The following NDUFAF2 variants were observed in gnomAD, a reference collection of about 807,000 sequenced individuals.
NDUFAF2 encodes NADH:ubiquinone oxidoreductase complex assembly factor 2.
Under a neutral mutation model 22.8 loss-of-function variants are expected in NDUFAF2, and 13 were observed. The observed-to-expected ratio is 0.57, with a 90% CI of 0.37 to 0.91. NDUFAF2 has a LOEUF of 0.91. Ranked by LOEUF, NDUFAF2 falls within the 40% of genes least tolerant of loss-of-function variation. NDUFAF2 has a pLI of 0.01. For missense variants in NDUFAF2, 162 were observed against 195.2 expected (o/e 0.83, Z 1.01); for synonymous variants, 53 against 64.2 (o/e 0.83, Z 0.84).
intron 1 of NDUFAF2, among the ~76,000 whole-genome samples, chr5:61,051,320 T>C (rs1752021036): frequency 1.3e-5 from 2 of 152,322 alleles, no homozygotes; most frequent in East Asian, 1.9e-4. Flanking sequence ...ATTTTCTTTC[T>C]TGTACTTATC....
intron 1 of NDUFAF2, among the ~76,000 whole-genome samples, chr5:61,027,503 C>G (rs1751665793): frequency 6.6e-6 from 1 of 151,866 alleles, no homozygotes; most frequent in African/African-American, 2.4e-5. Context: ...GGTTTACAAA[C>G]CAAAGCAAAA....
At position 60,973,049 on chromosome 5, in the gene NDUFAF2, T is replaced by G. The variant is rs907843992; in HGVS notation, c.127+27667T>G. On this transcript the variant is annotated intron_variant, in intron 1 of 3. Transcript: ENST00000296597. ...AATGTTTAGTTGCATTTTTGACTTC[T>G]TTTAAAATATATTTAATACATAGTA... Among the ~76,000 whole-genome samples, 3 of 152,238 alleles carry G rather than the reference T, an allele frequency of 2.0e-5. No homozygotes were observed. The East Asian group carries it at 5.8e-4, about 29-fold the overall frequency.
At chr5:61,031,314 C>G (rs1316008342) in intron 1 of NDUFAF2, among the ~76,000 whole-genome samples, 1 of 152,076 alleles carries the variant, frequency 6.6e-6, no homozygotes, top group African/African-American at 2.4e-5. Context: ...TAGTCCCCCA[C>G]CCCCTGACAG....
intron 2 of NDUFAF2, among the ~76,000 whole-genome samples, chr5:61,098,109 AACTTAG>A (rs1752666321): frequency 6.6e-6 from 1 of 152,238 alleles, no homozygotes; most frequent in Non-Finnish European, 1.5e-5. Flanking sequence ...TTATACTAAT[AACTTAG>A]ACTTATGTGC....
At chr5:61,118,441 T>C (rs1752938913) in intron 3 of NDUFAF2, among the ~76,000 whole-genome samples, 1 of 152,192 alleles carries the variant, frequency 6.6e-6, no homozygotes, top group Non-Finnish European at 1.5e-5. Flanking sequence ...AATTCACAAG[T>C]GAGAAAGTTG....
intron 2 of NDUFAF2, among the ~76,000 whole-genome samples, chr5:61,086,973 A>G (rs1752511716): frequency 6.6e-6 from 1 of 152,186 alleles, no homozygotes. Context: ...ACACTTTACC[A>G]AAGAGGATTT....
At chr5:61,074,227 G>A (rs548301712) in intron 2 of NDUFAF2, among the ~76,000 whole-genome samples, 2 of 152,244 alleles carry the variant, frequency 1.3e-5, no homozygotes, top group East Asian at 1.9e-4. Flanking sequence ...CGAAGTGGGC[G>A]GATCATCTGA....
chr5:61,073,952 A>G, intron 2 of NDUFAF2, among the ~76,000 whole-genome samples: 1 of 152,248 alleles, frequency 6.6e-6, no homozygotes, highest in East Asian at 1.9e-4. Context: ...GTTCACAATG[A>G]GAAGTACATA....
chr5:61,096,485 G>A (rs1580131678), intron 2 of NDUFAF2, among the ~76,000 whole-genome samples: 1 of 151,640 alleles, frequency 6.6e-6, no homozygotes, highest in East Asian at 1.9e-4. Flanking sequence ...TGTAGTCCCA[G>A]CTACTCGGGG....
chr5:61,091,734 GT>G (rs1486924492), intron 2 of NDUFAF2, among the ~76,000 whole-genome samples: 2 of 152,060 alleles, frequency 1.3e-5, no homozygotes, highest in African/African-American at 4.8e-5. Flanking sequence ...TGCAAATTTT[GT>G]TTTGAGAATT....
At chr5:61,057,308 A>G (rs1752112253) in intron 1 of NDUFAF2, among the ~76,000 whole-genome samples, 1 of 152,170 alleles carries the variant, frequency 6.6e-6, no homozygotes, top group Non-Finnish European at 1.5e-5. Context: ...TAGGCTTTAC[A>G]TGTTCTTGGA....
intron 1 of NDUFAF2, among the ~76,000 whole-genome samples, chr5:61,002,947 G>A (rs1751316600): frequency 6.6e-6 from 1 of 152,092 alleles, no homozygotes; most frequent in Admixed American, 6.6e-5. Context: ...TTTAACAAGA[G>A]AGGATTCTTT....
intron 1 of NDUFAF2, among the ~76,000 whole-genome samples, chr5:60,995,404 A>G (rs1254268629): frequency 6.6e-6 from 1 of 152,242 alleles, no homozygotes; most frequent in Non-Finnish European, 1.5e-5. Flanking sequence ...CCCCAAGTTC[A>G]GTAACGCTGT....
intron 3 of NDUFAF2, among the ~76,000 whole-genome samples, chr5:61,108,390 A>G (rs1561567442): frequency 6.6e-6 from 1 of 150,846 alleles, no homozygotes; most frequent in Non-Finnish European, 1.5e-5. Context: ...AATGATTGCC[A>G]TTGTAACTGG....
At chr5:61,004,550 T>G (rs1751340498) in intron 1 of NDUFAF2, among the ~76,000 whole-genome samples, 1 of 152,152 alleles carries the variant, frequency 6.6e-6, no homozygotes, top group South Asian at 2.1e-4. Context: ...CAGACATTTT[T>G]TAGCTGGAAT....
intron 1 of NDUFAF2, among the ~76,000 whole-genome samples, chr5:61,006,742 G>A (rs139881483): frequency 4.6e-5 from 7 of 152,072 alleles, no homozygotes; most frequent in East Asian, 1.9e-4. Flanking sequence ...ATAGCGTATT[G>A]TTACCAGGGA....
At chr5:60,995,422 G>C (rs1580085789) in intron 1 of NDUFAF2, among the ~76,000 whole-genome samples, 2 of 152,336 alleles carry the variant, frequency 1.3e-5, no homozygotes, top group Non-Finnish European at 2.9e-5. Flanking sequence ...TGTGGTTCTT[G>C]CAGACTCATA....
At chr5:61,152,619 T>C (rs1182710545) in intron 3 of NDUFAF2, 85 bp from the exon 4 acceptor site, 5 of 920,662 alleles carry the variant, frequency 5.4e-6, no homozygotes, top group Non-Finnish European at 7.9e-6. Flanking sequence ...ATGTATATAA[T>C]GTATTTTATT....
At chr5:60,961,756 ACT>A (rs1750689265) in intron 1 of NDUFAF2, among the ~76,000 whole-genome samples, 1 of 129,676 alleles carries the variant, frequency 7.7e-6, no homozygotes, top group Admixed American at 8.5e-5. Context: ...ACAGAAGGAG[ACT>A]CTGTCTCAAA....
Sources: allele counts gnomAD v4.1 joint callset (sites outside exome capture counted in the v4.1 genomes callset), GRCh38; gene constraint gnomAD v4.1.1; transcripts MANE v1.5; gene names NCBI Gene and HGNC (gene_info 2026-07-23, HGNC 2026-07-21).